The following AFAP1 variants were observed in gnomAD, a reference collection of about 807,000 sequenced individuals.
The protein encoded by AFAP1 is actin filament associated protein 1.
In AFAP1, 75 loss-of-function variants were observed where a neutral mutation model predicts 93.9. The observed-to-expected ratio is 0.80, with a 90% CI of 0.66 to 0.97. AFAP1 has a LOEUF of 0.97. AFAP1 is among the 50% of genes least tolerant of loss of function. The pLI, the probability that AFAP1 is intolerant of heterozygous loss-of-function variation, is 0.00. For synonymous variants in AFAP1, 517 were observed against 430.7 expected, an observed-to-expected ratio of 1.20 and a Z score of -2.48; for missense variants, 1,201 against 1,050.8, an observed-to-expected ratio of 1.14 and a Z score of -1.98.
chr4:7,886,264 A>G (rs1718134807), intron 1 of AFAP1, among the ~76,000 whole-genome samples: 1 of 152,252 alleles, frequency 6.6e-6, no homozygotes, highest in Non-Finnish European at 1.5e-5. Context: ...CAAGGCTGCA[A>G]TGAACGTCTA....
At chr4:7,890,019 A>AT (rs1411108092) in intron 1 of AFAP1, among the ~76,000 whole-genome samples, 1 of 150,680 alleles carries the variant, frequency 6.6e-6, no homozygotes, top group East Asian at 1.9e-4. Context: ...AAAAAAAAAA[A>AT]AAAAAGAAGC....
At chr4:7,879,286 C>G (rs763745098) in intron 1 of AFAP1, among the ~76,000 whole-genome samples, 1 of 152,186 alleles carries the variant, frequency 6.6e-6, no homozygotes, top group Non-Finnish European at 1.5e-5. Context: ...TCATCTGAGC[C>G]TCACAATCTA....
At chr4:7,861,748 T>C (rs1008571361) in intron 3 of AFAP1, among the ~76,000 whole-genome samples, 2 of 152,246 alleles carry the variant, frequency 1.3e-5, no homozygotes, top group African/African-American at 4.8e-5. Flanking sequence ...ACTGGGATTA[T>C]ACATGAGCCA....
At chr4:7,928,297 C>T (rs1361999989) in intron 1 of AFAP1, among the ~76,000 whole-genome samples, 1 of 152,216 alleles carries the variant, frequency 6.6e-6, no homozygotes, top group Non-Finnish European at 1.5e-5. Flanking sequence ...GATTCCTCCG[C>T]TGAGCTAGTT....
intron 6 of AFAP1, among the ~76,000 whole-genome samples, chr4:7,826,673 A>G (rs1039549541): frequency 4.6e-5 from 7 of 152,226 alleles, no homozygotes; most frequent in African/African-American, 1.7e-4. Flanking sequence ...GAAACTCCTG[A>G]TCCAACACGT....
intron 10 of AFAP1, among the ~76,000 whole-genome samples, chr4:7,795,503 G>A (rs1001278922): frequency 8.1e-6 from 1 of 123,080 alleles, no homozygotes; most frequent in African/African-American, 3.2e-5. Context: ...TCGGCTCACT[G>A]CAAGCTCTGC....
At chr4:7,782,873 C>T (rs1449001200) in intron 12 of AFAP1, among the ~76,000 whole-genome samples, 1 of 152,146 alleles carries the variant, frequency 6.6e-6, no homozygotes, top group Non-Finnish European at 1.5e-5. Context: ...CAGATAAACT[C>T]GGATATGAGA....
chr4:7,922,834 A>G (rs531138850), intron 1 of AFAP1, among the ~76,000 whole-genome samples: 1 of 152,212 alleles, frequency 6.6e-6, no homozygotes, highest in Non-Finnish European at 1.5e-5. Context: ...AAAATTTAAA[A>G]ATTAGCTAGG....
chr4:7,847,795 G>GGT (rs1553845909), intron 4 of AFAP1, among the ~76,000 whole-genome samples: 1 of 80,374 alleles, frequency 1.2e-5, no homozygotes, highest in East Asian at 2.2e-4. Flanking sequence ...GGGGTACTCG[G>GGT]GGTGGGGCAT....
chr4:7,770,109 C>T (rs1053906608), intron 16 of AFAP1, among the ~76,000 whole-genome samples: 1 of 152,202 alleles, frequency 6.6e-6, no homozygotes, highest in African/African-American at 2.4e-5. Context: ...GAGGATGGCA[C>T]CAAGGACATC....
chr4:7,773,040 G>C, intron 15 of AFAP1, 30 bp from the exon 16 acceptor site: 1 of 1,594,752 alleles, frequency 6.3e-7, no homozygotes, highest in Non-Finnish European at 8.5e-7. Context: ...CGTTACTCCC[G>C]CGGCAGGCAC....
chr4:7,917,221 C>T (rs796172798), intron 1 of AFAP1, among the ~76,000 whole-genome samples: 39 of 152,280 alleles, frequency 2.6e-4, no homozygotes, highest in African/African-American at 9.1e-4. Flanking sequence ...GCTATCATTA[C>T]CTAGCACTCC....
chr4:7,800,537 G>A lies in AFAP1; in HGVS notation c.1171C>T (p.Pro391Ser). 6.2e-7 allele frequency: 1 copy of A among 1,614,208 alleles called. No homozygotes were observed. Among genetic ancestry groups the A allele is most frequent in the Non-Finnish European group, 8.5e-7 (1 of 1,180,048 alleles). ...GGGATCACCTCGCAGCCACGGAGCG[G>A]AATAGACACAATATGGGTCTTCAGG... ...TDLKTHIVSIPLRGCEVIPGL... is the reference protein window; with the variant it reads ...TDLKTHIVSISLRGCEVIPGL... Residue 391 changes from proline to serine, a missense_variant, in exon 10 of 18, where the codon CCG becomes TCG. Physicochemically the swap from Pro to Ser is moderately conservative, Grantham distance 74. Transcript: ENST00000420658.
At chr4:7,859,537 T>G (rs1214084647) in intron 3 of AFAP1, among the ~76,000 whole-genome samples, 1 of 152,196 alleles carries the variant, frequency 6.6e-6, no homozygotes, top group Admixed American at 6.5e-5. Flanking sequence ...TGCTGTGACC[T>G]AGAAATAAGA....
intron 1 of AFAP1, among the ~76,000 whole-genome samples, chr4:7,883,185 CAAAAAA>C (rs34238719): frequency 2.0e-5 from 1 of 49,966 alleles, no homozygotes; most frequent in South Asian, 8.0e-4. Context: ...AACCCTATCT[CAAAAAA>C]AAAAAAAAAA....
chr4:7,925,314 T>C (rs566891754), intron 1 of AFAP1, among the ~76,000 whole-genome samples: 3 of 152,294 alleles, frequency 2.0e-5, no homozygotes, highest in Non-Finnish European at 1.5e-5. Context: ...AGTTCTTCAG[T>C]CACTCCCCAC....
chr4:7,934,131 AT>A (rs1464898446), intron 1 of AFAP1, among the ~76,000 whole-genome samples: 1 of 152,258 alleles, frequency 6.6e-6, no homozygotes, highest in Non-Finnish European at 1.5e-5. Context: ...ACAGTGAATT[AT>A]AAATGGCCCA....
chr4:7,796,784 G>A, intron 10 of AFAP1, among the ~76,000 whole-genome samples: 1 of 148,350 alleles, frequency 6.7e-6, no homozygotes, highest in Non-Finnish European at 1.5e-5. Context: ...TATGGGTTGG[G>A]CACGGTGGCT....
chr4:7,838,812 C>T, intron 5 of AFAP1, 109 bp from the exon 6 acceptor site: 1 of 1,217,772 alleles, frequency 8.2e-7, no homozygotes, highest in Non-Finnish European at 1.2e-6. Flanking sequence ...ATCTGAAAGT[C>T]TGAATCTGCA....
Sources: allele counts gnomAD v4.1 joint callset (sites outside exome capture counted in the v4.1 genomes callset), GRCh38; gene constraint gnomAD v4.1.1; transcripts MANE v1.5; gene names NCBI Gene and HGNC (gene_info 2026-07-23, HGNC 2026-07-21).